ABCC9: variants seen among roughly 807,000 people sequenced by gnomAD.
ABCC9 encodes the protein ATP-binding cassette sub-family C member 9.
In ABCC9, 95 loss-of-function variants were observed where a neutral mutation model predicts 188.3. The observed-to-expected ratio is 0.50, with a 90% confidence interval of 0.43 to 0.60. The LOEUF (loss-of-function observed/expected upper bound fraction) is 0.60. ABCC9 is among the 20% of genes least tolerant of loss of function. ABCC9 has a pLI of 0.00. For missense variants in ABCC9, 1,102 were observed against 1,876.3 expected, an observed-to-expected ratio of 0.59 and a Z score of 7.62; for synonymous variants, 659 against 652.7, an observed-to-expected ratio of 1.01 and a Z score of -0.15.
rs1948626602 is a variant in ABCC9, at chr12:21,917,048, C to T, written c.462G>A (p.Lys154=). 6.2e-7 allele frequency: 1 copy of T among 1,613,702 alleles called. No homozygotes were observed. The change falls in exon 6 of 40, where the codon AAG becomes AAA. Residue 154 remains lysine, a synonymous_variant. Transcript: ENST00000261200. ...AFITKTIKLV[K]YCQSGLDISN... is the part of the protein sequence containing the mutation. The stretch of plus-strand genomic sequence containing the variant: ...ATATGTCCAAGCCAGACTGACAGTA[C>T]TTAACCAATTTTATTGTTTTTGTAA...
chr12:21,918,957 T>A (rs1385387642), intron 5 of ABCC9, among the ~76,000 whole-genome samples: 1 of 152,128 alleles, frequency 6.6e-6, no homozygotes, highest in Non-Finnish European at 1.5e-5. Flanking sequence ...ATAATCCACA[T>A]GTTAAAGAAG....
intron 31 of ABCC9, chr12:21,828,594 A>G (rs939553823): frequency 4.2e-5 from 13 of 311,208 alleles, no homozygotes; most frequent in South Asian, 1.2e-4. Context: ...GAAAGTTGCC[A>G]TCCTTCCAGG....
In ABCC9 at chr12:21,908,108, G is replaced by A. The variant is rs1948127660; in HGVS notation, c.1424C>T (p.Thr475Ile). The A allele has an allele frequency of 6.2e-7, 1 of 1,612,298 alleles. No homozygotes were observed. Among genetic ancestry groups the A allele is most frequent in the Non-Finnish European group, 8.5e-7 (1 of 1,178,958 alleles). ...LLAPIQYFIATKLAEAQKSTL... is the reference protein window; with the variant it reads ...LLAPIQYFIAIKLAEAQKSTL... ...ACTTTTCTGAGCCTCTGCCAACTTT[G>A]TAGCAATAAAGTACTGAATTGGCGC... The change falls in exon 11 of 40, where the codon ACA becomes ATA. Residue 475 changes from threonine to isoleucine, a missense_variant. By Grantham distance (89) the Thr-to-Ile change is moderately conservative. Transcript: ENST00000261200.
In ABCC9 at chr12:21,908,316, A is replaced by G. The variant is rs73077060; in HGVS notation, c.1321-105T>C. 7,272 of 1,390,778 alleles carry G rather than the reference A, an allele frequency of 5.2e-3. 29 individuals are homozygous for G. The highest frequency in any genetic ancestry group is 6.4e-3 in the Non-Finnish European group (6,358 of 998,544). 86.2% of individuals were successfully genotyped at this position (1,390,778 alleles called of 1,614,324 possible). A position where few individuals can be genotyped will look rare whatever the true frequency, so the allele number is the denominator to read the frequency against. ...AAATGTAGTATTTCTTAATTATTAT[A>G]TTGTTTATTTGGAAGTCAACGGTAT... On this transcript the variant is annotated intron_variant, in intron 10 of 39. Coordinates refer to ENST00000261200, the MANE Select transcript of ABCC9 (RefSeq NM_020297.4).
intron 12 of ABCC9, among the ~76,000 whole-genome samples, chr12:21,897,372 T>C (rs1428226384): frequency 6.6e-6 from 1 of 152,226 alleles, no homozygotes; most frequent in Non-Finnish European, 1.5e-5. Flanking sequence ...GTTTGTTCAC[T>C]CTGATGATAG....
chr12:21,933,775 C>A lies in ABCC9; in HGVS notation c.284+7G>T. On this transcript the variant is annotated splice_region_variant and intron_variant, in intron 4 of 39. Transcript: ENST00000261200. The stretch of plus-strand genomic sequence containing the variant: ...TGCAGTGGTATTATTTAACTTAGAT[C>A]ACTTACGAGTCTGAAACAATGCCTT... 6.2e-7 allele frequency: 1 copy of A among 1,613,352 alleles called. No individual in the cohort carries two copies. The highest frequency in any genetic ancestry group is 8.5e-7 in the Non-Finnish European group (1 of 1,179,456).
rs779866340 is a variant in ABCC9, at chr12:21,859,621, G to A, written c.2470C>T (p.Arg824Ter). Reference sequence around the variant, plus strand: ...ATGTTGGTGTTTTGATACAGCGCTCGTGCCACACAGATTCTCTGCCTCTGT... The same window carrying A: ...ATGTTGGTGTTTTGATACAGCGCTCATGCCACACAGATTCTCTGCCTCTGT... Reference protein sequence around the residue: ...GGQRQRICVARALYQNTNIVF... With the variant: ...GGQRQRICVA Residue 824 changes from arginine to a stop codon, truncating the protein, a stop_gained, in exon 22 of 40, where the codon CGA becomes TGA. Coordinates refer to ENST00000261200, the MANE Select transcript of ABCC9 (RefSeq NM_020297.4). LOFTEE classifies it high-confidence loss of function. 13 of 1,613,708 alleles carry A rather than the reference G, an allele frequency of 8.1e-6. No individual in the cohort carries two copies. Among genetic ancestry groups the A allele is most frequent in the South Asian group, 2.2e-5 (2 of 91,082 alleles).
At chr12:21,936,874 T>TGA (rs1285414575) in intron 2 of ABCC9, among the ~76,000 whole-genome samples, 180 bp from the exon 3 acceptor site, 2 of 152,170 alleles carry the variant, frequency 1.3e-5, no homozygotes, top group Non-Finnish European at 2.9e-5. Flanking sequence ...ATACGTCCTA[T>TGA]GAGATCTTCT....
At chr12:21,803,055 C>A (rs1941572120) in intron 39 of ABCC9, among the ~76,000 whole-genome samples, 1 of 151,434 alleles carries the variant, frequency 6.6e-6, no homozygotes, top group African/African-American at 2.4e-5. Context: ...CAAAAGTAAT[C>A]ATGTCAAAGA....
At chr12:21,909,407 A>T (rs1428147558) in intron 10 of ABCC9, among the ~76,000 whole-genome samples, 1 of 151,946 alleles carries the variant, frequency 6.6e-6, no homozygotes, top group Non-Finnish European at 1.5e-5. Flanking sequence ...TTCAAATAAG[A>T]TCTAGCACTT....
intron 4 of ABCC9, among the ~76,000 whole-genome samples, chr12:21,927,882 C>A (rs1332036974): frequency 6.6e-6 from 1 of 152,118 alleles, no homozygotes; most frequent in Non-Finnish European, 1.5e-5. Flanking sequence ...TTTGTCAGTA[C>A]AGAAATTAGG....
chr12:21,894,635 G>A (rs1334975796), intron 13 of ABCC9, among the ~76,000 whole-genome samples: 1 of 135,236 alleles, frequency 7.4e-6, no homozygotes, highest in Non-Finnish European at 1.6e-5. Flanking sequence ...TTTGAGACAC[G>A]GTATCACTTC....
intron 16 of ABCC9, among the ~76,000 whole-genome samples, chr12:21,878,360 A>G (rs1946466230): frequency 6.6e-6 from 1 of 152,146 alleles, no homozygotes; most frequent in Non-Finnish European, 1.5e-5. Context: ...ATGATGAAGA[A>G]TGCTAAAAAT....
At chr12:21,815,739 A>C in intron 34 of ABCC9, 24 bp downstream of exon 34, 1 of 1,611,046 alleles carries the variant, frequency 6.2e-7, no homozygotes, top group Non-Finnish European at 8.5e-7. Context: ...TGTATACAAC[A>C]TATCAAATGC....
intron 32 of ABCC9, 102 bp downstream of exon 32, chr12:21,818,048 C>T: frequency 1.2e-6 from 1 of 849,830 alleles, no homozygotes; most frequent in South Asian, 1.3e-5. Context: ...TGTGTAATTC[C>T]CCTCTCTGTG....
intron 22 of ABCC9, among the ~76,000 whole-genome samples, chr12:21,858,929 A>G (rs2137489653): frequency 6.6e-6 from 1 of 152,342 alleles, no homozygotes; most frequent in African/African-American, 2.4e-5. Context: ...AAGCTATTTT[A>G]GGTACCTCCT....
At chr12:21,804,113 G>A (rs146243662) in intron 39 of ABCC9, among the ~76,000 whole-genome samples, 135 of 152,240 alleles carry the variant, frequency 8.9e-4, no homozygotes, top group Middle Eastern at 6.8e-3. Flanking sequence ...TATTAGGGGC[G>A]GGTGGGAGCA....
intron 38 of ABCC9, among the ~76,000 whole-genome samples, chr12:21,806,646 T>C (rs1203736186): frequency 1.3e-5 from 2 of 152,174 alleles, no homozygotes; most frequent in East Asian, 1.9e-4. Flanking sequence ...CTCTCTCTCT[T>C]CTCTGTTGAG....
intron 4 of ABCC9, among the ~76,000 whole-genome samples, chr12:21,926,552 C>G (rs1949053628): frequency 6.6e-6 from 1 of 152,142 alleles, no homozygotes; most frequent in Non-Finnish European, 1.5e-5. Flanking sequence ...CAAGACGTAA[C>G]ATCTGTAGTA....
Sources: gnomAD v4.1 joint callset for allele counts (sites outside exome capture counted in the v4.1 genomes callset) on GRCh38, gnomAD v4.1.1 for gene constraint, MANE v1.5 for transcripts, NCBI Gene and HGNC (gene_info 2026-07-23, HGNC 2026-07-21) for gene names.